The following RAB11FIP4 variants were observed in gnomAD, a reference collection of about 807,000 sequenced individuals.
The protein encoded by RAB11FIP4 is RAB11 family interacting protein 4.
A neutral mutation model predicts 74.3 loss-of-function variants in RAB11FIP4; 23 were observed. The ratio of observed to expected loss-of-function variants is 0.31; its 90% CI spans 0.22 to 0.44. The LOEUF is 0.44. Among genes scored for constraint, RAB11FIP4 ranks in the 20% least tolerant of loss-of-function variants. The pLI is 1.00. For synonymous variants in RAB11FIP4, 360 were observed against 359.9 expected, an observed-to-expected ratio of 1.00 and a Z score of 0.00; for missense variants, 630 against 863.9, an observed-to-expected ratio of 0.73 and a Z score of 3.39.
intron 3 of RAB11FIP4, among the ~76,000 whole-genome samples, chr17:31,441,993 C>A (rs1358488545): frequency 5.9e-5 from 9 of 151,528 alleles, no homozygotes; most frequent in Admixed American, 5.3e-4. Context: ...TATTGTTGGG[C>A]GTATATACAC....
intron 3 of RAB11FIP4, among the ~76,000 whole-genome samples, chr17:31,463,396 G>C (rs1009898274): frequency 8.5e-5 from 13 of 152,152 alleles, no homozygotes; most frequent in African/African-American, 2.7e-4. Flanking sequence ...CCTGGCGTGT[G>C]GTGGGCACTA....
Position 31,500,795 on chromosome 17 carries a change from C to T in RAB11FIP4, c.337-16856C>T, listed in dbSNP as rs1030906939. Among the ~76,000 whole-genome samples, 7 of 152,224 alleles carry T rather than the reference C, an allele frequency of 4.6e-5. No individual in the cohort carries two copies. The South Asian group carries it at 6.2e-4, about 14-fold the overall frequency. On this transcript the variant is annotated intron_variant, in intron 3 of 14. Transcript: ENST00000621161. ...ATCCCAGCACTTTGGGAGGCTGAGG[C>T]GGGCAGATCACGAGGTCAAGAGATC...
chr17:31,457,886 A>C (rs1479195827), intron 3 of RAB11FIP4, among the ~76,000 whole-genome samples: 3 of 151,316 alleles, frequency 2.0e-5, no homozygotes, highest in Non-Finnish European at 4.4e-5. Context: ...TCTTCTCTCT[A>C]TCTGCACCCC....
In RAB11FIP4 at chr17:31,480,392, G is replaced by C. The variant is rs531439577; in HGVS notation, c.337-37259G>C. Among the ~76,000 whole-genome samples, 230 of 152,228 alleles carry C rather than the reference G, an allele frequency of 1.5e-3. 1 individual carries two copies. The highest frequency in any genetic ancestry group is 2.7e-3 in the Non-Finnish European group (182 of 68,014). On this transcript the variant is annotated intron_variant, in intron 3 of 14. Transcript: ENST00000621161. ...AGGACATTGAGCATGGTCAAGAAAG[G>C]CTGTTTTGGCCAGAGAGTGGATAAA...
At chr17:31,514,389 C>T (rs867509742) in intron 3 of RAB11FIP4, among the ~76,000 whole-genome samples, 1 of 152,226 alleles carries the variant, frequency 6.6e-6, no homozygotes, top group African/African-American at 2.4e-5. Context: ...ACTGGGCCCT[C>T]TGCCTGCCTC....
At chr17:31,531,585 G>A in intron 14 of RAB11FIP4, 31 bp from the exon 15 acceptor site, 1 of 1,487,224 alleles carries the variant, frequency 6.7e-7, no homozygotes, top group Non-Finnish European at 9.4e-7. Context: ...CCCAGGCCCA[G>A]CCACTGACCC....
intron 3 of RAB11FIP4, among the ~76,000 whole-genome samples, chr17:31,468,101 T>C (rs868008986): frequency 1.3e-5 from 2 of 152,146 alleles, no homozygotes; most frequent in South Asian, 2.1e-4. Context: ...AGGCAAACAA[T>C]AGATTTGGGT....
At chr17:31,514,344 C>T (rs567256985) in intron 3 of RAB11FIP4, among the ~76,000 whole-genome samples, 6 of 152,340 alleles carry the variant, frequency 3.9e-5, no homozygotes, top group Admixed American at 2.6e-4. Context: ...CCAGAGGCCA[C>T]GTCAGACACC....
intron 3 of RAB11FIP4, among the ~76,000 whole-genome samples, chr17:31,499,026 G>A (rs2142765854): frequency 6.6e-6 from 1 of 152,288 alleles, no homozygotes; most frequent in East Asian, 1.9e-4. Context: ...CAAGAACCAG[G>A]AGAGCCCTTT....
intron 3 of RAB11FIP4, among the ~76,000 whole-genome samples, chr17:31,471,990 A>G (rs897867038): frequency 3.3e-5 from 5 of 151,996 alleles, no homozygotes; most frequent in East Asian, 1.9e-4. Flanking sequence ...GTGAAACCCC[A>G]TCTCTACTAA....
chr17:31,475,210 G>A (rs2071779775), intron 3 of RAB11FIP4, among the ~76,000 whole-genome samples: 1 of 136,186 alleles, frequency 7.3e-6, no homozygotes, highest in Admixed American at 7.3e-5. Context: ...TAGAGCTGGT[G>A]GGGAGGTCAC....
Position 31,522,034 on chromosome 17 carries a change from A to G in RAB11FIP4, c.878A>G (p.Asn293Ser). ...LLNDLEARLK[N>S]LKANSPNRKI... ...AATGACTTGGAAGCCCGACTGAAAA[A>G]CCTGAAGGCCAACAGGTGAGGCCCA... The change falls in exon 6 of 15, where the codon AAC becomes AGC. Residue 293 changes from asparagine (N) to serine (S), a missense_variant. Coordinates refer to ENST00000621161, the MANE Select transcript of RAB11FIP4 (RefSeq NM_032932.6). The G allele has an allele frequency of 6.2e-7, 1 of 1,613,982 alleles. No homozygotes were observed. Among genetic ancestry groups the G allele is most frequent in the Non-Finnish European group, 8.5e-7 (1 of 1,180,026 alleles).
chr17:31,446,655 C>T (rs538349029), intron 3 of RAB11FIP4, among the ~76,000 whole-genome samples: 2 of 151,956 alleles, frequency 1.3e-5, no homozygotes, highest in African/African-American at 2.4e-5. Context: ...AGACCCCCCC[C>T]ACGTCTTTGG....
At chr17:31,483,094 G>A (rs553577383) in intron 3 of RAB11FIP4, among the ~76,000 whole-genome samples, 1 of 150,820 alleles carries the variant, frequency 6.6e-6, no homozygotes, top group African/African-American at 2.4e-5. Flanking sequence ...TCAGGAGGCT[G>A]AGGCAGGAGA....
intron 3 of RAB11FIP4, among the ~76,000 whole-genome samples, chr17:31,474,889 A>C (rs2071776205): frequency 6.6e-6 from 1 of 151,908 alleles, no homozygotes. Context: ...AAACAAAAAA[A>C]AAACAGAGAT....
chr17:31,457,876 T>G (rs910780787), intron 3 of RAB11FIP4, among the ~76,000 whole-genome samples: 5 of 152,120 alleles, frequency 3.3e-5, no homozygotes, highest in African/African-American at 4.8e-5. Context: ...CCGCTCTGTC[T>G]CTTCTCTCTA....
At chr17:31,517,186 C>T (rs1224939735) in intron 3 of RAB11FIP4, among the ~76,000 whole-genome samples, 1 of 6,764 alleles carries the variant, frequency 1.5e-4, no homozygotes, top group Admixed American at 1.5e-3. Flanking sequence ...GGCGAGGAGG[C>T]GGTGCGGGGG....
chr17:31,399,957 C>G (rs948610451), intron 1 of RAB11FIP4, among the ~76,000 whole-genome samples: 9 of 148,302 alleles, frequency 6.1e-5, no homozygotes, highest in African/African-American at 1.5e-4. Context: ...GCAGGAGAAT[C>G]GCTTAAACCC....
chr17:31,500,673 G>C (rs1450493258), intron 3 of RAB11FIP4, among the ~76,000 whole-genome samples: 1 of 152,244 alleles, frequency 6.6e-6, no homozygotes, highest in African/African-American at 2.4e-5. Flanking sequence ...TCTCTGAACT[G>C]TGCATATGCT....
Sources: gnomAD v4.1 joint callset for allele counts (sites outside exome capture counted in the v4.1 genomes callset) on GRCh38, gnomAD v4.1.1 for gene constraint, MANE v1.5 for transcripts, NCBI Gene and HGNC (gene_info 2026-07-23, HGNC 2026-07-21) for gene names.